The following DCC variants were observed in gnomAD, a reference collection of about 807,000 sequenced individuals.
DCC encodes netrin receptor DCC.
DCC carries 58 observed loss-of-function variants against 172.5 expected under a neutral mutation model. The ratio of observed to expected loss-of-function variants is 0.34; its 90% confidence interval spans 0.27 to 0.42. The LOEUF is 0.42. Among genes scored for constraint, DCC ranks in the 10% least tolerant of loss-of-function variants. DCC has a pLI of 1.00. For missense variants in DCC, 1,740 were observed against 1,791.0 expected (o/e 0.97, Z 0.51); for synonymous variants, 709 against 644.5 (o/e 1.10, Z -1.52).
At chr18:52,587,692 A>G (rs1404827067) in intron 1 of DCC, among the ~76,000 whole-genome samples, 4 of 152,194 alleles carry the variant, frequency 2.6e-5, no homozygotes, top group African/African-American at 9.6e-5. Flanking sequence ...GGGAAGATTT[A>G]CCTTCACCAC....
At chr18:52,436,405 A>T (rs1470136440) in intron 1 of DCC, among the ~76,000 whole-genome samples, 1 of 152,214 alleles carries the variant, frequency 6.6e-6, no homozygotes, top group Non-Finnish European at 1.5e-5. Context: ...ATGCAGTTCT[A>T]CATGACGCTC....
intron 5 of DCC, among the ~76,000 whole-genome samples, chr18:52,938,507 T>C (rs1598950022): frequency 6.6e-6 from 1 of 152,168 alleles, no homozygotes; most frequent in African/African-American, 2.4e-5. Flanking sequence ...CTACAGACTT[T>C]CTTGAGGGGA....
rs1349064784 is a variant in DCC at position 52,549,948 on chromosome 18, A to T, written c.92-202106A>T. Among the ~76,000 whole-genome samples the T allele has an allele frequency of 3.9e-5, 6 of 152,044 alleles. No homozygotes were observed. In the East Asian group the frequency reaches 1.2e-3, roughly 29 times the overall value. ...GTAGAGCATGACTCTGCACTTCCTC[A>T]GTGTAGTGTTTAATTCCAAAGAGTA... On this transcript the variant is annotated intron_variant, in intron 1 of 28. Transcript: ENST00000442544.
intron 12 of DCC, among the ~76,000 whole-genome samples, chr18:53,235,691 A>AT (rs35916734): frequency 6.6e-6 from 1 of 151,688 alleles, no homozygotes; most frequent in African/African-American, 2.4e-5. Flanking sequence ...GTATATTCAT[A>AT]GTTTTGTAAC....
intron 9 of DCC, among the ~76,000 whole-genome samples, chr18:53,192,653 T>C (rs377260573): frequency 2.0e-5 from 3 of 152,008 alleles, no homozygotes; most frequent in African/African-American, 7.3e-5. Context: ...TTAATAGAAG[T>C]AGGGTGTGAA....
intron 1 of DCC, among the ~76,000 whole-genome samples, chr18:52,553,514 A>G (rs765997497): frequency 3.9e-5 from 6 of 152,068 alleles, no homozygotes; most frequent in Non-Finnish European, 7.4e-5. Flanking sequence ...CCACTGCCAA[A>G]CATGAATTTC....
intron 5 of DCC, among the ~76,000 whole-genome samples, chr18:52,932,217 T>A (rs1197975494): frequency 6.6e-6 from 1 of 152,282 alleles, no homozygotes; most frequent in African/African-American, 2.4e-5. Context: ...GTTCAATACG[T>A]CCAGCTTTCT....
intron 2 of DCC, among the ~76,000 whole-genome samples, chr18:52,896,270 A>G (rs2039728742): frequency 6.6e-6 from 1 of 152,184 alleles, no homozygotes. Context: ...CACATTAGAA[A>G]TTTAAAGAAT....
chr18:53,529,083 C>CAT (rs2046496443), intron 28 of DCC, among the ~76,000 whole-genome samples: 44 of 145,888 alleles, frequency 3.0e-4, no homozygotes, highest in African/African-American at 1.1e-3. Context: ...CACACACACA[C>CAT]ATTGTATGTA....
intron 1 of DCC, among the ~76,000 whole-genome samples, chr18:52,392,051 T>C (rs529318768): frequency 6.6e-6 from 1 of 152,314 alleles, no homozygotes; most frequent in South Asian, 2.1e-4. Flanking sequence ...ATCTGCGTTA[T>C]GAGGCGCACA....
At chr18:52,957,937 C>T (rs1361298938) in intron 5 of DCC, among the ~76,000 whole-genome samples, 1 of 152,108 alleles carries the variant, frequency 6.6e-6, no homozygotes, top group African/African-American at 2.4e-5. Context: ...CATGACTGTG[C>T]CTGCTTTAGC....
intron 1 of DCC, among the ~76,000 whole-genome samples, chr18:52,573,333 C>A (rs2033343159): frequency 6.6e-6 from 1 of 152,100 alleles, no homozygotes; most frequent in South Asian, 2.1e-4. Flanking sequence ...AGCTTTTATT[C>A]TTGTCTGTCC....
intron 1 of DCC, among the ~76,000 whole-genome samples, chr18:52,551,589 A>G (rs1377972560): frequency 2.0e-5 from 3 of 151,990 alleles, no homozygotes; most frequent in Admixed American, 1.3e-4. Context: ...TGTTCTTCCT[A>G]CATTTTTAGT....
At chr18:52,475,464 A>G (rs1221884820) in intron 1 of DCC, among the ~76,000 whole-genome samples, 3 of 152,104 alleles carry the variant, frequency 2.0e-5, no homozygotes. Flanking sequence ...AATTACTTTT[A>G]TGCTTGAAAC....
chr18:52,863,586 A>G (rs2039177176), intron 2 of DCC, among the ~76,000 whole-genome samples: 1 of 151,754 alleles, frequency 6.6e-6, no homozygotes, highest in Non-Finnish European at 1.5e-5. Flanking sequence ...ATATTCAATG[A>G]TTATTCATCA....
intron 1 of DCC, among the ~76,000 whole-genome samples, chr18:52,682,999 T>C (rs8086577): frequency 0.1 from 15,412 of 152,094 alleles, 1,526 homozygotes; most frequent in African/African-American, 0.25. Flanking sequence ...CCATTGAGGG[T>C]ATTACTGCAG....
rs1288651765 is a variant in DCC, at chr18:53,513,623, A to G, written c.4112-12994A>G. Among the ~76,000 whole-genome samples, 184 of 152,272 alleles carry G rather than the reference A, an allele frequency of 1.2e-3. 2 individuals are homozygous for G. The highest frequency in any genetic ancestry group is 4.1e-4 in the Non-Finnish European group (28 of 68,034). ...AAAATAAAAGGATGGAGGAAGATCT[A>G]CCAAGCAAATGGAAAACAAAAAAAG... On this transcript the variant is annotated intron_variant, in intron 27 of 28. Coordinates refer to ENST00000442544, the MANE Select transcript of DCC (RefSeq NM_005215.4).
At chr18:52,925,608 T>C (rs1210824608) in intron 5 of DCC, among the ~76,000 whole-genome samples, 1 of 152,002 alleles carries the variant, frequency 6.6e-6, no homozygotes, top group East Asian at 1.9e-4. Context: ...ATTCCAGTGA[T>C]ACAGCTGAAA....
At position 53,073,672 on chromosome 18, in the gene DCC, A is replaced by G. The variant is rs535975594; in HGVS notation, c.1261+7506A>G. On this transcript the variant is annotated intron_variant, in intron 7 of 28. Transcript: ENST00000442544. ...TTTAGAAAAATGAGAAGCATTATCA[A>G]TTATCTGTCCTCCCCTGGAAAAGGT... is the stretch of plus-strand genomic sequence containing the variant. Among the ~76,000 whole-genome samples the G allele has an allele frequency of 2.0e-5, 3 of 152,168 alleles. No homozygotes were observed. The South Asian group carries it at 6.2e-4, about 32-fold the overall frequency.
Sources: gnomAD v4.1 joint callset for allele counts (sites outside exome capture counted in the v4.1 genomes callset) on GRCh38, gnomAD v4.1.1 for gene constraint, MANE v1.5 for transcripts, NCBI Gene and HGNC (gene_info 2026-07-23, HGNC 2026-07-21) for gene names.